The following SPATA13 variants were observed in gnomAD, a reference collection of about 807,000 sequenced individuals.
SPATA13 encodes the protein spermatogenesis-associated protein 13.
In SPATA13, 50 loss-of-function variants were observed where a neutral mutation model predicts 104.0. That is an observed-to-expected ratio of 0.48 (90% CI 0.38 to 0.61). The LOEUF (loss-of-function observed/expected upper bound fraction) is 0.61. SPATA13 is among the 20% of genes least tolerant of loss of function. The pLI is 0.00. For synonymous variants in SPATA13, 606 were observed against 667.5 expected (o/e 0.91, Z 1.42); for missense variants, 1,524 against 1,690.6 (o/e 0.90, Z 1.73).
chr13:23,993,974 T>G (rs1048234378), intron 2 of SPATA13, among the ~76,000 whole-genome samples: 1 of 125,320 alleles, frequency 8.0e-6, no homozygotes, highest in Admixed American at 7.7e-5. Flanking sequence ...GGTGGTGTTT[T>G]TTTTTTTTTT....
At chr13:24,141,114 G>C (rs1593356358) in intron 3 of SPATA13, among the ~76,000 whole-genome samples, 1 of 151,242 alleles carries the variant, frequency 6.6e-6, no homozygotes, top group Non-Finnish European at 1.5e-5. Flanking sequence ...GGCAGAAGTT[G>C]CACTGAGCAA....
chr13:24,021,078 A>C (rs925233671), intron 3 of SPATA13, among the ~76,000 whole-genome samples: 3 of 152,240 alleles, frequency 2.0e-5, no homozygotes, highest in Admixed American at 2.0e-4. Flanking sequence ...AAACATGTGC[A>C]TGTCTGTGTG....
chr13:24,237,078 G>A (rs989271324), intron 2 of SPATA13, among the ~76,000 whole-genome samples: 1 of 152,028 alleles, frequency 6.6e-6, no homozygotes, highest in African/African-American at 2.4e-5. Context: ...CATGCTGCAG[G>A]CTGGGCGCAG....
chr13:24,042,082 G>A (rs1877951020), intron 3 of SPATA13, among the ~76,000 whole-genome samples: 1 of 152,138 alleles, frequency 6.6e-6, no homozygotes, highest in Admixed American at 6.5e-5. Flanking sequence ...CCAACTCTAG[G>A]GGCAGCGCAA....
At chr13:24,238,132 C>CTTTTTTTTTTTT (rs66810619) in intron 2 of SPATA13, among the ~76,000 whole-genome samples, 2 of 77,154 alleles carry the variant, frequency 2.6e-5, no homozygotes, top group Admixed American at 1.8e-4. Flanking sequence ...TTCTTCTTGA[C>CTTTTTTTTTTTT]TTTTTTTTTT....
intron 3 of SPATA13, among the ~76,000 whole-genome samples, chr13:24,022,753 C>G (rs956255915): frequency 2.6e-5 from 4 of 152,050 alleles, no homozygotes; most frequent in Non-Finnish European, 5.9e-5. Flanking sequence ...CCATTGTGGG[C>G]CATGTTGTTT....
intron 1 of SPATA13, among the ~76,000 whole-genome samples, chr13:24,168,082 A>G (rs1445115705): frequency 6.6e-6 from 1 of 152,168 alleles, no homozygotes; most frequent in Non-Finnish European, 1.5e-5. Context: ...GACATTTTTC[A>G]TGTCGACTTC....
At chr13:24,237,886 T>TAATATATAAACATACATGTTTAAATATGC (rs71070666) in intron 2 of SPATA13, among the ~76,000 whole-genome samples, 3,555 of 84,746 alleles carry the variant, frequency 0.042, 34 homozygotes, top group Non-Finnish European at 0.051. Context: ...ATATCATTTA[T>TAATATATAAACATACATGTTTAAATATGC]AATATATAAA....
chr13:24,272,740 A>T (rs1473171694), intron 4 of SPATA13: 1 of 152,254 alleles, frequency 6.6e-6, no homozygotes, highest in Non-Finnish European at 1.5e-5. Flanking sequence ...CTGGCTTTGA[A>T]TCCAGCCCCG....
chr13:24,043,958 A>T (rs1005951080), intron 3 of SPATA13, among the ~76,000 whole-genome samples: 3 of 152,124 alleles, frequency 2.0e-5, no homozygotes, highest in African/African-American at 7.2e-5. Context: ...TTCCATTTTG[A>T]TGGTGCTGCT....
intron 3 of SPATA13, among the ~76,000 whole-genome samples, chr13:24,107,475 C>A (rs1166121697): frequency 6.6e-6 from 1 of 152,134 alleles, no homozygotes; most frequent in African/African-American, 2.4e-5. Flanking sequence ...AATGTACTTG[C>A]TTTCGACTTC....
At chr13:24,140,068 C>CAA (rs542732994) in intron 3 of SPATA13, among the ~76,000 whole-genome samples, 13 of 85,858 alleles carry the variant, frequency 1.5e-4, no homozygotes, top group African/African-American at 3.3e-4. Context: ...GACTCCGTCT[C>CAA]AAAAAAAAAA....
chr13:24,161,048 C>A lies in SPATA13; in HGVS notation c.-112+116C>A. ...TGCCTCGGGGCTTCGGGATGTCCAG[C>A]TCCCAGCTGCTTGGCCTCTGCTTCC... On this transcript the variant is annotated intron_variant, in intron 1 of 12. Transcript: ENST00000382108. The surrounding 1 kb of genome is among the most constrained non-coding windows in gnomAD (Gnocchi z 4.5). 3.3e-6 allele frequency: 2 copies of A among 607,182 alleles called. No homozygotes were observed. Among genetic ancestry groups the A allele is most frequent in the Non-Finnish European group, 4.1e-6 (2 of 483,812 alleles). The allele number at this position is 607,182 out of a possible 1,614,324, so 37.6% of individuals were successfully genotyped here.
intron 3 of SPATA13, among the ~76,000 whole-genome samples, chr13:24,149,429 G>T (rs1227730869): frequency 6.6e-6 from 1 of 152,172 alleles, no homozygotes; most frequent in African/African-American, 2.4e-5. Flanking sequence ...CTGGCATTTT[G>T]CCTGTCTTCT....
intron 3 of SPATA13, among the ~76,000 whole-genome samples, chr13:24,099,266 A>G (rs532191113): frequency 4.5e-4 from 68 of 152,302 alleles, no homozygotes; most frequent in African/African-American, 1.6e-3. Flanking sequence ...ATCTCTTTAT[A>G]ATATCATTCT....
intron 3 of SPATA13, among the ~76,000 whole-genome samples, chr13:24,095,789 A>G (rs969231302): frequency 6.6e-6 from 1 of 152,144 alleles, no homozygotes; most frequent in African/African-American, 2.4e-5. Flanking sequence ...AAGTGTTGCA[A>G]TCCCAGCGAA....
chr13:24,224,396 C>G lies in SPATA13; in HGVS notation c.1467C>G (p.Ser489Arg), dbSNP rs1486512125. ...GGGCAGGAAGTGCCAGCTGTCACAGCAATCACAGTGCCCTGTCCGCGAATT... is the reference window on the plus strand; with the variant it reads ...GGGCAGGAAGTGCCAGCTGTCACAGGAATCACAGTGCCCTGTCCGCGAATT... ...SPGAGSASCH[S>R]NHSALSANSE... Residue 489 changes from serine to arginine, a missense_variant, in exon 2 of 13, where the codon AGC becomes AGG. By Grantham distance (110) the Ser-to-Arg change is moderately radical. Transcript: ENST00000382108. 1 of 1,551,716 alleles carries G rather than the reference C, an allele frequency of 6.4e-7. No homozygotes were observed. Among genetic ancestry groups the G allele is most frequent in the East Asian group, 2.4e-5 (1 of 40,924 alleles).
chr13:24,166,114 G>A (rs1038284608), intron 1 of SPATA13, among the ~76,000 whole-genome samples: 5 of 152,188 alleles, frequency 3.3e-5, no homozygotes, highest in African/African-American at 9.7e-5. Context: ...GCTATCACAA[G>A]TGTAATACCG....
chr13:24,160,662 G>A (rs908301617), upstream of SPATA13: 6 of 947,112 alleles, frequency 6.3e-6, no homozygotes, highest in South Asian at 9.9e-5. Flanking sequence ...GGGGCGGGGG[G>A]AAGAGCCGGG....
Sources: gnomAD v4.1 joint callset for allele counts (sites outside exome capture counted in the v4.1 genomes callset) on GRCh38, gnomAD v4.1.1 for gene constraint, Gnocchi (gnomAD v3.1) non-coding constraint, MANE v1.5 for transcripts, NCBI Gene and HGNC (gene_info 2026-07-23, HGNC 2026-07-21) for gene names.